Variants in SLC24A2 observed in about 807,000 individuals in gnomAD.
The protein encoded by SLC24A2 is solute carrier family 24 member 2.
Under a neutral mutation model 62.0 loss-of-function variants are expected in SLC24A2, and 36 were observed. That is an observed-to-expected ratio of 0.58 (90% CI 0.44 to 0.77). The LOEUF (loss-of-function observed/expected upper bound fraction) is 0.77. Among genes scored for constraint, SLC24A2 ranks in the 30% least tolerant of loss-of-function variants. The pLI is 0.00. For missense variants in SLC24A2, 846 were observed against 817.9 expected, an observed-to-expected ratio of 1.03 and a Z score of -0.42; for synonymous variants, 358 against 294.0, an observed-to-expected ratio of 1.22 and a Z score of -2.23.
intron 2 of SLC24A2, among the ~76,000 whole-genome samples, chr9:19,707,904 G>A (rs1820583168): frequency 6.6e-6 from 1 of 152,102 alleles, no homozygotes; most frequent in South Asian, 2.1e-4. Context: ...GTTCTGGCCA[G>A]GGCAATTAGG....
At chr9:19,938,042 TTAAC>T in the SLC24A2 span, among the ~76,000 whole-genome samples, 582 of 152,308 alleles carry the variant, frequency 3.8e-3, 1 homozygote, top group Non-Finnish European at 7.0e-3. Flanking sequence ...ATTAATAGCA[TTAAC>T]TATTAGTGAG....
chr9:19,533,548 C>A (rs143102186), intron 8 of SLC24A2, among the ~76,000 whole-genome samples: 1 of 152,326 alleles, frequency 6.6e-6, no homozygotes, highest in East Asian at 1.9e-4. Context: ...ACTTGCTGCT[C>A]TCGGCACTTT....
chr9:19,513,027 G>A lies in SLC24A2; in HGVS notation c.*3126C>T, dbSNP rs1348748769. ...AAGAAATGTTCCCTTTGGTTTGTGT[G>A]CATGACTTTCCTTTTCCTTGACTTT... On this transcript the variant is annotated 3_prime_UTR_variant, in exon 11 of 11. Transcript: ENST00000341998. The A allele has an allele frequency of 6.6e-6, 1 of 151,522 alleles. No homozygotes were observed. The highest frequency in any genetic ancestry group is 1.9e-4 in the East Asian group (1 of 5,146). 9.4% of individuals were successfully genotyped at this position (151,522 alleles called of 1,614,324 possible). A position where few individuals can be genotyped will look rare whatever the true frequency, so the allele number is the denominator to read the frequency against.
chr9:20,096,202 CA>C, the SLC24A2 span, among the ~76,000 whole-genome samples: 1 of 151,932 alleles, frequency 6.6e-6, no homozygotes, highest in Non-Finnish European at 1.5e-5. Flanking sequence ...ATTGTGAGAC[CA>C]AAAATTTGAA....
the SLC24A2 span, among the ~76,000 whole-genome samples, chr9:20,211,919 C>A: frequency 1.3e-5 from 2 of 151,908 alleles, no homozygotes; most frequent in East Asian, 3.9e-4. Flanking sequence ...AGAAAATGAA[C>A]TTTCTAGAGC....
the SLC24A2 span, among the ~76,000 whole-genome samples, chr9:20,185,736 T>A: frequency 6.7e-6 from 1 of 150,232 alleles, no homozygotes; most frequent in Admixed American, 6.6e-5. Flanking sequence ...CTGAAGGCGG[T>A]CCTGATAATT....
At chr9:19,670,779 C>T (rs1382885985) in intron 2 of SLC24A2, among the ~76,000 whole-genome samples, 1 of 152,160 alleles carries the variant, frequency 6.6e-6, no homozygotes, top group African/African-American at 2.4e-5. Context: ...CCATGTGTCC[C>T]ATAAGTTGCT....
rs377198074 is a variant in SLC24A2, at chr9:19,592,259, T to C, written c.1129+4970A>G. ...TGAAACAGTAAGCTTAATTTAATTATGGAAAAGGTCTTTATAATTTTTTTG... is the reference window on the plus strand; with the variant it reads ...TGAAACAGTAAGCTTAATTTAATTACGGAAAAGGTCTTTATAATTTTTTTG... On this transcript the variant is annotated intron_variant, in intron 5 of 10. Coordinates refer to ENST00000341998, the MANE Select transcript of SLC24A2 (RefSeq NM_020344.4). 1.1e-4 allele frequency among the ~76,000 whole-genome samples: 16 copies of C among 152,368 alleles called. No individual in the cohort carries two copies. The East Asian group carries it at 2.3e-3, about 22-fold the overall frequency.
the SLC24A2 span, among the ~76,000 whole-genome samples, chr9:20,011,761 A>T: frequency 6.6e-6 from 1 of 152,186 alleles, no homozygotes; most frequent in Non-Finnish European, 1.5e-5. Flanking sequence ...ACACATCATA[A>T]ACAAATTACT....
chr9:19,654,049 C>T (rs1381820564), intron 2 of SLC24A2, among the ~76,000 whole-genome samples: 1 of 152,226 alleles, frequency 6.6e-6, no homozygotes, highest in Non-Finnish European at 1.5e-5. Flanking sequence ...ACATTTCCAT[C>T]ACTTCAAAGA....
the SLC24A2 span, among the ~76,000 whole-genome samples, chr9:20,082,419 A>G: frequency 1.3e-5 from 2 of 152,194 alleles, no homozygotes; most frequent in South Asian, 2.1e-4. Flanking sequence ...AGTTTATTCA[A>G]TGTCTATTTG....
intron 2 of SLC24A2, among the ~76,000 whole-genome samples, chr9:19,731,516 C>CCGTGT (rs72153360): frequency 0.19 from 21,980 of 113,452 alleles, 1,921 homozygotes; most frequent in Non-Finnish European, 0.29. Flanking sequence ...TCTCTCTCTC[C>CCGTGT]GTGTGTGTGT....
the SLC24A2 span, among the ~76,000 whole-genome samples, chr9:19,993,720 G>C: frequency 3.3e-5 from 5 of 152,088 alleles, no homozygotes; most frequent in Non-Finnish European, 5.9e-5. Flanking sequence ...AGATAATTGA[G>C]CATTTCGTGG....
chr9:20,023,053 T>C, the SLC24A2 span, among the ~76,000 whole-genome samples: 1 of 152,092 alleles, frequency 6.6e-6, no homozygotes, highest in African/African-American at 2.4e-5. Flanking sequence ...TAAGAGAAAA[T>C]GACACTGTGC....
intron 2 of SLC24A2, among the ~76,000 whole-genome samples, chr9:19,776,208 G>A (rs1490231492): frequency 6.6e-6 from 1 of 152,128 alleles, no homozygotes; most frequent in African/African-American, 2.4e-5. Context: ...CTAATTTGGA[G>A]GCCTGCTTCA....
chr9:19,907,393 A>C, the SLC24A2 span, among the ~76,000 whole-genome samples: 3 of 152,204 alleles, frequency 2.0e-5, no homozygotes, highest in African/African-American at 7.2e-5. Context: ...AAAAACTGGA[A>C]GCATTCCCTT....
the SLC24A2 span, among the ~76,000 whole-genome samples, chr9:19,829,652 G>T: frequency 5.9e-5 from 9 of 151,642 alleles, no homozygotes; most frequent in South Asian, 1.2e-3. Context: ...GATCACTTGA[G>T]CCCAAGAGTT....
intron 2 of SLC24A2, among the ~76,000 whole-genome samples, chr9:19,750,480 C>A (rs893234263): frequency 1.8e-4 from 27 of 152,178 alleles, no homozygotes; most frequent in Admixed American, 1.6e-3. Context: ...CATACTGCAA[C>A]TAATCAAATG....
chr9:19,973,508 C>T, the SLC24A2 span, among the ~76,000 whole-genome samples: 1 of 152,128 alleles, frequency 6.6e-6, no homozygotes, highest in Admixed American at 6.6e-5. Flanking sequence ...TAGACGTGGG[C>T]GTTGGAGCAA....
Sources: gnomAD v4.1 joint callset for allele counts (sites outside exome capture counted in the v4.1 genomes callset) on GRCh38, gnomAD v4.1.1 for gene constraint, MANE v1.5 for transcripts, NCBI Gene and HGNC (gene_info 2026-07-23, HGNC 2026-07-21) for gene names.